Variants in PPP1R26 observed in about 807,000 individuals in gnomAD.
The protein encoded by PPP1R26 is protein phosphatase 1 regulatory subunit 26.
A neutral mutation model predicts 67.6 loss-of-function variants in PPP1R26; 22 were observed. That is an observed-to-expected ratio of 0.33 (90% CI 0.23 to 0.46). PPP1R26 has a LOEUF of 0.46. PPP1R26 is among the 20% of genes least tolerant of loss of function. PPP1R26 has a pLI of 1.00. For synonymous variants in PPP1R26, 729 were observed against 717.2 expected, an observed-to-expected ratio of 1.02 and a Z score of -0.26; for missense variants, 1,602 against 1,651.4, an observed-to-expected ratio of 0.97 and a Z score of 0.52.
Position 135,486,982 on chromosome 9 carries a change from G to A in PPP1R26, c.2472G>A (p.Leu824=), listed in dbSNP as rs775304223. ...GCCCAGCTCCCAGCCCCGGCTCCCT[G>A]TCTGATGACAGCAGTTCAGTGGACA... ...SQGPAPSPGS[L]SDDSSSVDSN... Residue 824 remains leucine (L), a synonymous_variant, in exon 4 of 4, where the codon CTG becomes CTA. Coordinates refer to ENST00000356818, the MANE Select transcript of PPP1R26 (RefSeq NM_014811.5). The surrounding 1 kb of genome is among the most constrained non-coding windows in gnomAD (Gnocchi z 6.2). 3.7e-6 allele frequency: 6 copies of A among 1,612,718 alleles called. No homozygotes were observed. In the African/African-American group the frequency reaches 5.3e-5, roughly 14 times the overall value.
chr9:135,485,707 G>A lies in PPP1R26; in HGVS notation c.1197G>A (p.Ala399=), dbSNP rs780075588. Reference sequence around the variant, plus strand: ...GGGTCCAACTCCGAGAGGAGAGAGCGCCTGACCCTCCCGCACACAGCACAA... The same window carrying A: ...GGGTCCAACTCCGAGAGGAGAGAGCACCTGACCCTCCCGCACACAGCACAA... The part of the protein sequence containing the change: ...PQRVQLREER[A]PDPPAHSTSS... The change falls in exon 4 of 4, where the codon GCG becomes GCA. Residue 399 remains alanine, a synonymous_variant. Coordinates refer to ENST00000356818, the MANE Select transcript of PPP1R26 (RefSeq NM_014811.5). The surrounding 1 kb of genome is among the most constrained non-coding windows in gnomAD (Gnocchi z 7.2). The A allele has an allele frequency of 1.3e-5, 21 of 1,610,120 alleles. No individual in the cohort carries two copies. The East Asian group carries it at 1.3e-4, about 10-fold the overall frequency.
Position 135,487,156 on chromosome 9 carries a change from T to G in PPP1R26, c.2646T>G (p.Pro882=), listed in dbSNP as rs1975518. 1,584,704 of 1,611,256 alleles carry G rather than the reference T, an allele frequency of 0.98. 779,387 individuals carry two copies. Among genetic ancestry groups the G allele is most frequent in the East Asian group, 1 (44,865 of 44,870 alleles). Residue 882 remains proline (P), a synonymous_variant, in exon 4 of 4, where the codon CCT becomes CCG. Transcript: ENST00000356818. ...ARPEVLCRKE[P]APPPGVCTRS... is the part of the protein sequence containing the mutation. Reference sequence around the variant, plus strand: ...CAGAGGTGCTGTGCAGGAAGGAGCCTGCCCCACCGCCTGGCGTGTGCACAC... The same window carrying G: ...CAGAGGTGCTGTGCAGGAAGGAGCCGGCCCCACCGCCTGGCGTGTGCACAC...
In PPP1R26 at chr9:135,487,498, C is replaced by T. The variant is rs747342591; in HGVS notation, c.2988C>T (p.Thr996=). Residue 996 remains threonine, a synonymous_variant, in exon 4 of 4, where the codon ACC becomes ACT. Transcript: ENST00000356818. ...AGTEAGGARG[T]FHMGCGSPSF... ...CCGAGGCAGGAGGCGCCAGAGGAACCTTTCACATGGGCTGCGGGAGCCCGA... is the reference window on the plus strand; with the variant it reads ...CCGAGGCAGGAGGCGCCAGAGGAACTTTTCACATGGGCTGCGGGAGCCCGA... 2 of 1,609,966 alleles carry T rather than the reference C, an allele frequency of 1.2e-6. No homozygotes were observed. The highest frequency in any genetic ancestry group is 4.5e-5 in the East Asian group (2 of 44,856).
chr9:135,484,758 C>T lies in PPP1R26; in HGVS notation c.248C>T (p.Pro83Leu), dbSNP rs529637643. 73 of 1,610,510 alleles carry T rather than the reference C, an allele frequency of 4.5e-5. No homozygotes were observed. Among genetic ancestry groups the T allele is most frequent in the East Asian group, 2.2e-4 (10 of 44,828 alleles). The stretch of plus-strand genomic sequence containing the variant: ...GCAGAGGGATGCCACGACGCCAGGC[C>T]GGCTGCCAAGCCCACCGTGCACAAG... ...HRAEGCHDAR[P>L]AAKPTVHKEP... Residue 83 changes from proline (P) to leucine (L), a missense_variant, in exon 4 of 4, where the codon CCG (proline) becomes CTG (leucine). Coordinates refer to ENST00000356818, the MANE Select transcript of PPP1R26 (RefSeq NM_014811.5).
In PPP1R26 at chr9:135,485,123, A is replaced by C; in HGVS notation, c.613A>C (p.Ser205Arg). 1 of 1,612,888 alleles carries C rather than the reference A, an allele frequency of 6.2e-7. No homozygotes were observed. Among genetic ancestry groups the C allele is most frequent in the Non-Finnish European group, 8.5e-7 (1 of 1,179,862 alleles). ...TGGCCCCGGCAGCCAGGTGGGATCC[A>C]GCAAGGACCAGGGCTCCGCCTCCCC... is the stretch of plus-strand genomic sequence containing the variant. The part of the protein sequence containing the change: ...GGGPGSQVGS[S>R]KDQGSASPVS... Residue 205 changes from serine to arginine, a missense_variant, in exon 4 of 4, where the codon AGC becomes CGC. Ser to Arg is a moderately radical substitution (Grantham distance 110, BLOSUM62 -1). Coordinates refer to ENST00000356818, the MANE Select transcript of PPP1R26 (RefSeq NM_014811.5). This position sits in a 1 kb window ranked among gnomAD's most constrained non-coding sequence, Gnocchi z 7.2.
At chr9:135,480,688 C>G (rs1182582592) in intron 1 of PPP1R26, 1 of 152,494 alleles carries the variant, frequency 6.6e-6, no homozygotes, top group Non-Finnish European at 1.5e-5. Context: ...CTTCAGTTCC[C>G]AAGCACAGGA....
Position 135,486,027 on chromosome 9 carries a change from T to C in PPP1R26, c.1517T>C (p.Leu506Pro), listed in dbSNP as rs758099380. The C allele has an allele frequency of 1.2e-6, 2 of 1,613,194 alleles. No homozygotes were observed. Among genetic ancestry groups the C allele is most frequent in the Non-Finnish European group, 1.7e-6 (2 of 1,180,026 alleles). The change falls in exon 4 of 4, where the codon CTG (leucine) becomes CCG (proline). Residue 506 changes from leucine (L) to proline (P), a missense_variant. Transcript: ENST00000356818. The surrounding 1 kb of genome is among the most constrained non-coding windows in gnomAD (Gnocchi z 6.2). ...PAPVEGSDGSLSASPLFYSPN... is the reference protein window; with the variant it reads ...PAPVEGSDGSPSASPLFYSPN... ...CCTGTAGAGGGCAGTGACGGGTCCC[T>C]GTCCGCAAGCCCACTCTTCTACTCC...
chr9:135,486,039 C>T lies in PPP1R26; in HGVS notation c.1529C>T (p.Pro510Leu), dbSNP rs746391528. The change falls in exon 4 of 4, where the codon CCA becomes CTA. Residue 510 changes from proline (P) to leucine (L), a missense_variant. Pro to Leu is a moderately conservative substitution (Grantham distance 98). This residue lies in a region of PPP1R26 where 680 missense variants were observed against 726.1 expected (regional missense o/e 0.94). Transcript: ENST00000356818. This position sits in a 1 kb window ranked among gnomAD's most constrained non-coding sequence, Gnocchi z 6.2. Reference sequence around the variant, plus strand: ...AGTGACGGGTCCCTGTCCGCAAGCCCACTCTTCTACTCCCCGAACGTGCCT... The same window carrying T: ...AGTGACGGGTCCCTGTCCGCAAGCCTACTCTTCTACTCCCCGAACGTGCCT... ...EGSDGSLSAS[P>L]LFYSPNVPSR... 1 of 1,613,180 alleles carries T rather than the reference C, an allele frequency of 6.2e-7. No individual in the cohort carries two copies. Among genetic ancestry groups the T allele is most frequent in the Non-Finnish European group, 8.5e-7 (1 of 1,180,038 alleles).
Position 135,485,798 on chromosome 9 carries a change from G to T in PPP1R26, c.1288G>T (p.Ala430Ser). The T allele has an allele frequency of 6.2e-7, 1 of 1,612,692 alleles. No homozygotes were observed. Among genetic ancestry groups the T allele is most frequent in the Non-Finnish European group, 8.5e-7 (1 of 1,179,994 alleles). Residue 430 changes from alanine to serine, a missense_variant, in exon 4 of 4, where the codon GCC becomes TCC. Coordinates refer to ENST00000356818, the MANE Select transcript of PPP1R26 (RefSeq NM_014811.5). This position sits in a 1 kb window ranked among gnomAD's most constrained non-coding sequence, Gnocchi z 7.2. ...RKTPSKKKLVATKTMDPGPGG... is the reference protein window; with the variant it reads ...RKTPSKKKLVSTKTMDPGPGG... ...AACACCCAGCAAGAAGAAGCTAGTG[G>T]CCACCAAGACCATGGACCCTGGTCC... is the stretch of plus-strand genomic sequence containing the variant.
chr9:135,480,340 C>G (rs1023157687), intron 1 of PPP1R26: 1 of 152,062 alleles, frequency 6.6e-6, no homozygotes, highest in Non-Finnish European at 1.5e-5. Context: ...CGAGAATGGC[C>G]GCGGCCCGGC....
Position 135,486,046 on chromosome 9 carries a change from C to T in PPP1R26, c.1536C>T (p.Phe512=), listed in dbSNP as rs770014368. 1.2e-6 allele frequency: 2 copies of T among 1,613,216 alleles called. No individual in the cohort carries two copies. Among genetic ancestry groups the T allele is most frequent in the South Asian group, 1.1e-5 (1 of 91,082 alleles). ...GGTCCCTGTCCGCAAGCCCACTCTT[C>T]TACTCCCCGAACGTGCCTTCCCGCT... The part of the protein sequence containing the change: ...SDGSLSASPL[F]YSPNVPSRSD... Residue 512 remains phenylalanine, a synonymous_variant, in exon 4 of 4, where the codon TTC becomes TTT. Coordinates refer to ENST00000356818, the MANE Select transcript of PPP1R26 (RefSeq NM_014811.5). The surrounding 1 kb of genome is among the most constrained non-coding windows in gnomAD (Gnocchi z 6.2).
In PPP1R26 at chr9:135,487,673, G is replaced by T. The variant is rs755059812; in HGVS notation, c.3163G>T (p.Val1055Phe). The T allele has an allele frequency of 6.9e-7, 1 of 1,459,242 alleles. No individual in the cohort carries two copies. The highest frequency in any genetic ancestry group is 9.0e-7 in the Non-Finnish European group (1 of 1,106,152). The allele number at this position is 1,459,242 out of a possible 1,614,324, so 90.4% of individuals were successfully genotyped here. A position where few individuals can be genotyped will look rare whatever the true frequency, so the allele number is the denominator to read the frequency against. ...EGRDAVWRGG[V>F]GSERDKGSEG... ...CAGAGATGCAGTGTGGAGGGGGGGC[G>T]TCGGGAGCGAGAGAGACAAGGGGTC... The change falls in exon 4 of 4, where the codon GTC becomes TTC. Residue 1055 changes from valine (V) to phenylalanine (F), a missense_variant. Val to Phe is a conservative substitution (Grantham distance 50). Around this residue, in one of 5 missense-constraint regions of PPP1R26, gnomAD observed 740 missense variants for 696.3 expected, o/e 1.06. Transcript: ENST00000356818.
Position 135,487,871 on chromosome 9 carries a change from G to A in PPP1R26, c.3361G>A (p.Glu1121Lys). Residue 1121 changes from glutamate (E) to lysine (K), a missense_variant, in exon 4 of 4, where the codon GAG becomes AAG. Physicochemically the swap from Glu to Lys is moderately conservative, Grantham distance 56. This residue lies in a region of PPP1R26 where 740 missense variants were observed against 696.3 expected (regional missense o/e 1.06). Transcript: ENST00000356818. Reference sequence around the variant, plus strand: ...GGGCCCCTCCTTCTCGGCCTTCAGGGAGGCCCAGGCCGGACCCAGCCCTGT... The same window carrying A: ...GGGCCCCTCCTTCTCGGCCTTCAGGAAGGCCCAGGCCGGACCCAGCCCTGT... ...LQGPSFSAFREAQAGPSPVFG... is the reference protein window; with the variant it reads ...LQGPSFSAFRKAQAGPSPVFG... 1 of 1,586,650 alleles carries A rather than the reference G, an allele frequency of 6.3e-7. No homozygotes were observed. The highest frequency in any genetic ancestry group is 8.6e-7 in the Non-Finnish European group (1 of 1,169,054).
chr9:135,485,096 G>A lies in PPP1R26; in HGVS notation c.586G>A (p.Gly196Ser), dbSNP rs772623936. Residue 196 changes from glycine (G) to serine (S), a missense_variant, in exon 4 of 4, where the codon GGT becomes AGT. Physicochemically the swap from Gly to Ser is moderately conservative, Grantham distance 56. Transcript: ENST00000356818. This position sits in a 1 kb window ranked among gnomAD's most constrained non-coding sequence, Gnocchi z 7.2. ...CCCAAAACTTGTACCTGGATCAGGT[G>A]GTGGCCCCGGCAGCCAGGTGGGATC... ...CPPKLVPGSG[G>S]GPGSQVGSSK... The A allele has an allele frequency of 3.1e-6, 5 of 1,612,314 alleles. No homozygotes were observed. The Admixed American group carries it at 8.3e-5, about 27-fold the overall frequency.
rs3827827 is a variant in PPP1R26, at chr9:135,485,587, G to A, written c.1077G>A (p.Ala359=). 290,018 of 1,612,996 alleles carry A rather than the reference G, an allele frequency of 0.18. 27,394 individuals are homozygous for A. The highest frequency in any genetic ancestry group is 0.28 in the Admixed American group (16,773 of 60,014). Residue 359 remains alanine (A), a synonymous_variant, in exon 4 of 4, where the codon GCG becomes GCA. Coordinates refer to ENST00000356818, the MANE Select transcript of PPP1R26 (RefSeq NM_014811.5). This position sits in a 1 kb window ranked among gnomAD's most constrained non-coding sequence, Gnocchi z 7.2. ...TGAGTGCGGCACAGGCGTCCGAGGCGTCCGACTCCAGCAGCGACGATGGCA... is the reference window on the plus strand; with the variant it reads ...TGAGTGCGGCACAGGCGTCCGAGGCATCCGACTCCAGCAGCGACGATGGCA... ...RVMSAAQASE[A]SDSSSDDGIE...
intron 3 of PPP1R26, 26 bp from the exon 4 acceptor site, chr9:135,484,423 T>C (rs1447117587): frequency 1.6e-6 from 2 of 1,244,926 alleles, no homozygotes; most frequent in Admixed American, 2.3e-5. Context: ...AGCTGCATCA[T>C]GCCCATGTGC....
chr9:135,481,599 TG>T (rs1290784987), intron 1 of PPP1R26, among the ~76,000 whole-genome samples: 3 of 151,682 alleles, frequency 2.0e-5, no homozygotes, highest in African/African-American at 7.3e-5. Context: ...CAAGCTGTCC[TG>T]GGGAGACGAC....
At position 135,481,166 on chromosome 9, in the gene PPP1R26, A is replaced by G. The variant is rs145276157; in HGVS notation, c.-329+1144A>G. ...CTCAAGACCGTATCCTGAGGCAGCAATTTGACAAAGCCTGCACCTCTGGCT... is the reference window on the plus strand; with the variant it reads ...CTCAAGACCGTATCCTGAGGCAGCAGTTTGACAAAGCCTGCACCTCTGGCT... On this transcript the variant is annotated intron_variant, in intron 1 of 3. Coordinates refer to ENST00000356818, the MANE Select transcript of PPP1R26 (RefSeq NM_014811.5). Among the ~76,000 whole-genome samples the G allele has an allele frequency of 4.6e-3, 694 of 151,344 alleles. 4 individuals are homozygous for G. The highest frequency in any genetic ancestry group is 0.021 in the Middle Eastern group (6 of 284).
Position 135,486,703 on chromosome 9 carries a change from C to G in PPP1R26, c.2193C>G (p.Phe731Leu), listed in dbSNP as rs754435255. 7 of 1,590,418 alleles carry G rather than the reference C, an allele frequency of 4.4e-6. No individual in the cohort carries two copies. In the African/African-American group the frequency reaches 9.4e-5, roughly 21 times the overall value. Residue 731 changes from phenylalanine (F) to leucine (L), a missense_variant, in exon 4 of 4, where the codon TTC (phenylalanine) becomes TTG (leucine). This residue lies in a region of PPP1R26 where 740 missense variants were observed against 696.3 expected (regional missense o/e 1.06). Coordinates refer to ENST00000356818, the MANE Select transcript of PPP1R26 (RefSeq NM_014811.5). The surrounding 1 kb of genome is among the most constrained non-coding windows in gnomAD (Gnocchi z 6.2). ...KVRFSTAQTHFLEQLGGLRRD... is the reference protein window; with the variant it reads ...KVRFSTAQTHLLEQLGGLRRD... The stretch of plus-strand genomic sequence containing the variant: ...GGTTCAGCACAGCCCAGACGCACTT[C>G]TTGGAGCAGCTGGGCGGGCTCCGGA...
Sources: allele counts gnomAD v4.1 joint callset (sites outside exome capture counted in the v4.1 genomes callset), GRCh38; gene constraint gnomAD v4.1.1; regional missense constraint gnomAD v4.1.1; non-coding constraint Gnocchi (gnomAD v3.1); transcripts MANE v1.5; gene names NCBI Gene and HGNC (gene_info 2026-07-23, HGNC 2026-07-21).